Variants in GSDME observed in about 807,000 individuals in gnomAD.
GSDME encodes the protein gasdermin E, also known as gasdermin-E.
In GSDME, 44 loss-of-function variants were observed where a neutral mutation model predicts 47.5. That is an observed-to-expected ratio of 0.93 (90% CI 0.73 to 1.19). The LOEUF is 1.19. Ranked by LOEUF, GSDME falls within the 50% of genes most tolerant of loss-of-function variation. The pLI is 0.00. For synonymous variants in GSDME, 258 were observed against 252.8 expected (o/e 1.02, Z -0.20); for missense variants, 663 against 604.2 (o/e 1.10, Z -1.02).
intron 6 of GSDME, among the ~76,000 whole-genome samples, chr7:24,709,526 T>TCTGTGCTTACCCTCCAAGCCAG (rs1052850565): frequency 1.4e-4 from 21 of 152,348 alleles, no homozygotes; most frequent in Admixed American, 2.6e-4. Context: ...CACCAGGGCT[T>TCTGTGCTTACCCTCCAAGCCAG]CTGTGCTTAC....
chr7:24,722,566 C>T (rs907207862), intron 3 of GSDME, among the ~76,000 whole-genome samples: 3 of 152,178 alleles, frequency 2.0e-5, no homozygotes, highest in Non-Finnish European at 2.9e-5. Flanking sequence ...GACACATCAC[C>T]GCCTGGTGAC....
intron 2 of GSDME, among the ~76,000 whole-genome samples, chr7:24,746,463 T>A (rs1790673140): frequency 6.6e-6 from 1 of 152,054 alleles, no homozygotes; most frequent in Non-Finnish European, 1.5e-5. Flanking sequence ...ATGGAAAGCA[T>A]GTAAGGTAGA....
intron 3 of GSDME, among the ~76,000 whole-genome samples, chr7:24,734,324 T>G (rs960167817): frequency 4.6e-5 from 7 of 152,158 alleles, no homozygotes; most frequent in Admixed American, 6.5e-5. Context: ...GAAGGATGGG[T>G]ATAAACAAGC....
upstream of GSDME, among the ~76,000 whole-genome samples, chr7:24,760,486 A>G (rs1791150692): frequency 6.6e-6 from 1 of 152,252 alleles, no homozygotes; most frequent in Non-Finnish European, 1.5e-5. The surrounding 1 kb of genome is among the most constrained non-coding windows in gnomAD (Gnocchi z 4.2). Flanking sequence ...ATAACTTCCC[A>G]TTTAAAAATT....
rs368490137 is a variant in GSDME, at chr7:24,756,450, C to T, written c.-20+946G>A. Among the ~76,000 whole-genome samples the T allele has an allele frequency of 9.9e-5, 15 of 152,250 alleles. 1 individual carries two copies. Among genetic ancestry groups the T allele is most frequent in the Admixed American group, 7.2e-4 (11 of 15,294 alleles). ...CTACCTAATGGTCTGGGCTCAACTT[C>T]TCCTTTAGAAAAAGAGCTTGGTGGT... On this transcript the variant is annotated intron_variant, in intron 1 of 9. Coordinates refer to ENST00000645220, the MANE Select transcript of GSDME (RefSeq NM_001127453.2). The surrounding 1 kb of genome is among the most constrained non-coding windows in gnomAD (Gnocchi z 4.2).
intron 9 of GSDME, among the ~76,000 whole-genome samples, chr7:24,699,764 T>C (rs968705384): frequency 6.6e-6 from 1 of 152,212 alleles, no homozygotes; most frequent in African/African-American, 2.4e-5. Flanking sequence ...GTCCTCTGTC[T>C]GAATCCCTAC....
At chr7:24,715,136 C>T (rs1348978661) in intron 5 of GSDME, among the ~76,000 whole-genome samples, 1 of 152,164 alleles carries the variant, frequency 6.6e-6, no homozygotes, top group Non-Finnish European at 1.5e-5. Flanking sequence ...CATGGTCTTC[C>T]TTATACATGG....
chr7:24,790,047 A>G, the GSDME span, among the ~76,000 whole-genome samples: 2 of 152,232 alleles, frequency 1.3e-5, no homozygotes, highest in Admixed American at 1.3e-4. The surrounding 1 kb of genome is among the most constrained non-coding windows in gnomAD (Gnocchi z 4.1). Flanking sequence ...CCATACTTGC[A>G]TGGGCACATG....
At chr7:24,775,319 TA>T in the GSDME span, among the ~76,000 whole-genome samples, 1 of 152,244 alleles carries the variant, frequency 6.6e-6, no homozygotes, top group African/African-American at 2.4e-5. Context: ...CACTGCTAGT[TA>T]ATTTTTTGAT....
chr7:24,750,466 A>T (rs528755574), intron 1 of GSDME, among the ~76,000 whole-genome samples: 1 of 152,228 alleles, frequency 6.6e-6, no homozygotes, highest in East Asian at 1.9e-4. Context: ...TTAAAAAATT[A>T]GCTGGGTGTG....
rs557011978 is a variant in GSDME at position 24,698,857 on chromosome 7, A to G, written c.*169T>C. 16 of 661,804 alleles carry G rather than the reference A, an allele frequency of 2.4e-5. No individual in the cohort carries two copies. Among genetic ancestry groups the G allele is most frequent in the Non-Finnish European group, 4.4e-5 (16 of 365,886 alleles). The allele number at this position is 661,804 out of a possible 1,614,324, so 41.0% of individuals were successfully genotyped here. A position where few individuals can be genotyped will look rare whatever the true frequency, so the allele number is the denominator to read the frequency against. On this transcript the variant is annotated 3_prime_UTR_variant, in exon 10 of 10. Transcript: ENST00000645220. ...GCCTCTGATAAGGAAAACTGTTTAAAGAGTACCTGGTGGCTAAAAGTCAGG... is the reference window on the plus strand; with the variant it reads ...GCCTCTGATAAGGAAAACTGTTTAAGGAGTACCTGGTGGCTAAAAGTCAGG...
rs1789799651 is a variant in GSDME at position 24,721,824 on chromosome 7, G to A, written c.405-2606C>T. Among the ~76,000 whole-genome samples, 1 of 152,156 alleles carries A rather than the reference G, an allele frequency of 6.6e-6. No homozygotes were observed. ...CCCAGGCTGAGGCCCCATGTGATCT[G>A]CCCTGCCCCCTGTTGACTTTATCTT... On this transcript the variant is annotated intron_variant, in intron 3 of 9. Transcript: ENST00000645220. The surrounding 1 kb of genome is among the most constrained non-coding windows in gnomAD (Gnocchi z 4.1).
intron 6 of GSDME, 102 bp downstream of exon 6, chr7:24,710,122 G>T (rs1047336300): frequency 1.6e-6 from 2 of 1,268,970 alleles, no homozygotes; most frequent in Non-Finnish European, 2.3e-6. Flanking sequence ...TGTTTTCTGT[G>T]AGTCACTGAG....
chr7:24,707,738 G>A (rs1789173253), intron 7 of GSDME: 1 of 431,824 alleles, frequency 2.3e-6, no homozygotes, highest in Non-Finnish European at 4.2e-6. Flanking sequence ...AGAGGCTGGA[G>A]TGCTGCTGCC....
At chr7:24,734,102 G>C (rs1334779430) in intron 3 of GSDME, among the ~76,000 whole-genome samples, 3 of 152,204 alleles carry the variant, frequency 2.0e-5, no homozygotes, top group Non-Finnish European at 4.4e-5. Flanking sequence ...CTGTTTTGGA[G>C]AAAGTAAGGG....
the GSDME span, among the ~76,000 whole-genome samples, chr7:24,793,904 T>C: frequency 6.6e-6 from 1 of 152,170 alleles, no homozygotes; most frequent in African/African-American, 2.4e-5. Context: ...CCACTACAGA[T>C]TGAATGTATT....
chr7:24,766,829 T>C, the GSDME span, among the ~76,000 whole-genome samples: 30 of 152,314 alleles, frequency 2.0e-4, 1 homozygote, highest in East Asian at 5.4e-3. This position sits in a 1 kb window ranked among gnomAD's most constrained non-coding sequence, Gnocchi z 4.2. Context: ...AGTAATGGGA[T>C]TGCTGAATCA....
rs770413956 is a variant in GSDME at position 24,708,154 on chromosome 7, A to G, written c.963T>C (p.Asp321=). The part of the protein sequence containing the change: ...SDIFQAVLFD[D]ELLMVLEPVC... ...CTGGTTCCAGGACCATGAGTAGTTC[A>G]TCATCAAATAGGACCGCCTGGAAGA... The change falls in exon 7 of 10, where the codon GAT becomes GAC. Residue 321 remains aspartate, a synonymous_variant. Coordinates refer to ENST00000645220, the MANE Select transcript of GSDME (RefSeq NM_001127453.2). 19 of 1,614,042 alleles carry G rather than the reference A, an allele frequency of 1.2e-5. No individual in the cohort carries two copies. The highest frequency in any genetic ancestry group is 1.5e-5 in the Non-Finnish European group (18 of 1,180,040).
At chr7:24,760,266 C>T (rs973244322), upstream of GSDME, among the ~76,000 whole-genome samples, 1 of 152,180 alleles carries the variant, frequency 6.6e-6, no homozygotes, top group African/African-American at 2.4e-5. The surrounding 1 kb of genome is among the most constrained non-coding windows in gnomAD (Gnocchi z 4.2). Flanking sequence ...AACTCATTAC[C>T]GGGATTTATT....
Sources: allele counts gnomAD v4.1 joint callset (sites outside exome capture counted in the v4.1 genomes callset), GRCh38; gene constraint gnomAD v4.1.1; non-coding constraint Gnocchi (gnomAD v3.1); transcripts MANE v1.5; gene names NCBI Gene and HGNC (gene_info 2026-07-23, HGNC 2026-07-21).